Variants in ROR2 observed in about 807,000 individuals in gnomAD.
ROR2 encodes the protein tyrosine-protein kinase transmembrane receptor ROR2.
In ROR2, 33 loss-of-function variants were observed where a neutral mutation model predicts 74.9. The observed-to-expected ratio is 0.44, with a 90% confidence interval of 0.33 to 0.59. The LOEUF (loss-of-function observed/expected upper bound fraction) is 0.59. Ranked by LOEUF, ROR2 falls within the 20% of genes least tolerant of loss-of-function variation. The pLI is 0.02. For synonymous variants in ROR2, 586 were observed against 558.7 expected (o/e 1.05, Z -0.69); for missense variants, 1,216 against 1,313.8 (o/e 0.93, Z 1.15).
intron 1 of ROR2, among the ~76,000 whole-genome samples, chr9:91,823,120 G>T (rs1385850013): frequency 6.6e-6 from 1 of 152,206 alleles, no homozygotes; most frequent in African/African-American, 2.4e-5. Flanking sequence ...TTTGCAGAGA[G>T]AGAAGCTATT....
chr9:91,730,698 C>T, intron 7 of ROR2, among the ~76,000 whole-genome samples: 1 of 152,128 alleles, frequency 6.6e-6, no homozygotes, highest in East Asian at 1.9e-4. Context: ...AAGTGATCTG[C>T]CCACCTCGGC....
In ROR2 at chr9:91,724,922, C is replaced by G; in HGVS notation, c.1572G>C (p.Glu524Asp). The change falls in exon 9 of 9, where the codon GAG (glutamate) becomes GAC (aspartate). Residue 524 changes from glutamate to aspartate, a missense_variant. Coordinates refer to ENST00000375708, the MANE Select transcript of ROR2 (RefSeq NM_004560.4). Reference protein sequence around the residue: ...EGPLREEFRHEAMLRARLQHP... With the variant: ...EGPLREEFRHDAMLRARLQHP... ...GTTGCAGCCGTGCTCGCAGCATAGC[C>G]TCATGCCGGAACTCCTCCCGCAGGG... The G allele has an allele frequency of 1.2e-6, 2 of 1,612,254 alleles. No individual in the cohort carries two copies. The highest frequency in any genetic ancestry group is 1.7e-6 in the Non-Finnish European group (2 of 1,178,766).
At chr9:91,744,350 T>C (rs1330088297) in intron 4 of ROR2, among the ~76,000 whole-genome samples, 1 of 146,632 alleles carries the variant, frequency 6.8e-6, no homozygotes, top group Non-Finnish European at 1.5e-5. Context: ...GCTTCCCAAG[T>C]AGCTGGGACT....
intron 4 of ROR2, among the ~76,000 whole-genome samples, chr9:91,754,821 C>A (rs1395413021): frequency 1.3e-5 from 2 of 152,154 alleles, no homozygotes; most frequent in African/African-American, 2.4e-5. Flanking sequence ...AGGAAAAATG[C>A]TCCATCACTA....
intron 1 of ROR2, among the ~76,000 whole-genome samples, chr9:91,799,425 C>T (rs984113011): frequency 1.3e-5 from 2 of 152,172 alleles, no homozygotes; most frequent in African/African-American, 4.8e-5. Context: ...TTACATTCTC[C>T]CTGCGGGCTC....
chr9:91,734,620 C>T (rs1476746508), intron 5 of ROR2, among the ~76,000 whole-genome samples: 1 of 152,192 alleles, frequency 6.6e-6, no homozygotes, highest in Non-Finnish European at 1.5e-5. Flanking sequence ...GGATGGGCAG[C>T]TGTGTGGGAA....
At chr9:91,747,560 T>C (rs576307160) in intron 4 of ROR2, among the ~76,000 whole-genome samples, 1 of 152,362 alleles carries the variant, frequency 6.6e-6, no homozygotes, top group South Asian at 2.1e-4. Flanking sequence ...GACACACCTC[T>C]TGACCAACAA....
chr9:91,735,402 T>C (rs1824985338), intron 5 of ROR2, among the ~76,000 whole-genome samples: 1 of 152,158 alleles, frequency 6.6e-6, no homozygotes, highest in Non-Finnish European at 1.5e-5. Context: ...TAAAAGATGC[T>C]ATAAAACCAG....
chr9:91,878,983 A>G (rs1830030087), intron 1 of ROR2, among the ~76,000 whole-genome samples: 1 of 152,040 alleles, frequency 6.6e-6, no homozygotes, highest in African/African-American at 2.4e-5. Context: ...CGGAGCTTGC[A>G]GTGAGCCGAG....
intron 1 of ROR2, among the ~76,000 whole-genome samples, chr9:91,863,332 A>G (rs1002930703): frequency 5.3e-5 from 8 of 152,224 alleles, no homozygotes; most frequent in African/African-American, 1.9e-4. Context: ...GAGTTACCAG[A>G]GGACTCTGCC....
At chr9:91,769,999 C>T (rs749018092) in intron 2 of ROR2, among the ~76,000 whole-genome samples, 1 of 152,226 alleles carries the variant, frequency 6.6e-6, no homozygotes, top group Non-Finnish European at 1.5e-5. Flanking sequence ...ATCCGAGTAC[C>T]GCCTTGGACA....
At chr9:91,859,234 C>T (rs935791062) in intron 1 of ROR2, among the ~76,000 whole-genome samples, 6 of 131,578 alleles carry the variant, frequency 4.6e-5, no homozygotes, top group African/African-American at 1.6e-4. Flanking sequence ...CAGAGTCTCA[C>T]TCTGTTGCCC....
At chr9:91,821,770 A>T (rs1368640964) in intron 1 of ROR2, among the ~76,000 whole-genome samples, 1 of 152,174 alleles carries the variant, frequency 6.6e-6, no homozygotes, top group Non-Finnish European at 1.5e-5. Context: ...TGCCTTAGAC[A>T]AGGACTCCAG....
intron 1 of ROR2, among the ~76,000 whole-genome samples, chr9:91,865,919 G>A (rs903659415): frequency 6.6e-5 from 10 of 152,252 alleles, no homozygotes; most frequent in Admixed American, 5.2e-4. Flanking sequence ...TCTAACATGG[G>A]ATGTTATCCA....
At chr9:91,819,884 GTC>G (rs1828087545) in intron 1 of ROR2, among the ~76,000 whole-genome samples, 1 of 151,896 alleles carries the variant, frequency 6.6e-6, no homozygotes, top group African/African-American at 2.4e-5. Context: ...GTGTGTGTGT[GTC>G]TGTTTAGTGT....
chr9:91,785,138 T>C (rs1241234929), intron 1 of ROR2, among the ~76,000 whole-genome samples: 1 of 152,052 alleles, frequency 6.6e-6, no homozygotes, highest in Non-Finnish European at 1.5e-5. Context: ...TGGCCTCCAC[T>C]CCTCATCTCT....
Position 91,905,573 on chromosome 9 carries a change from AAC to A in ROR2, c.97+44292_97+44293del, listed in dbSNP as rs1830793493. Among the ~76,000 whole-genome samples the A allele has an allele frequency of 6.6e-6, 1 of 151,876 alleles. No individual in the cohort carries two copies. The highest frequency in any genetic ancestry group is 1.5e-5 in the Non-Finnish European group (1 of 67,984). ...CAATACAACACATACACAAACATAC[AAC>A]ACATACACAAACATCACACATGCCA... On this transcript the variant is annotated intron_variant, in intron 1 of 8. Transcript: ENST00000375708. This position sits in a 1 kb window ranked among gnomAD's most constrained non-coding sequence, Gnocchi z 5.3.
chr9:91,940,160 G>A (rs1470715491), intron 1 of ROR2, among the ~76,000 whole-genome samples: 1 of 152,210 alleles, frequency 6.6e-6, no homozygotes, highest in East Asian at 1.9e-4. Flanking sequence ...CGCAAATCAA[G>A]TGTGAAAGGC....
chr9:91,807,957 T>TCA (rs921109962), intron 1 of ROR2, among the ~76,000 whole-genome samples: 1 of 152,142 alleles, frequency 6.6e-6, no homozygotes, highest in African/African-American at 2.4e-5. Context: ...AGACTTGTGC[T>TCA]CACCCAGGGC....
Sources: allele counts gnomAD v4.1 joint callset (sites outside exome capture counted in the v4.1 genomes callset), GRCh38; gene constraint gnomAD v4.1.1; non-coding constraint Gnocchi (gnomAD v3.1); transcripts MANE v1.5; gene names NCBI Gene and HGNC (gene_info 2026-07-23, HGNC 2026-07-21).